The following PCDHGA6 variants were observed in gnomAD, a reference collection of about 807,000 sequenced individuals.
PCDHGA6 encodes the protein protocadherin gamma-A6.
Under a neutral mutation model 60.6 loss-of-function variants are expected in PCDHGA6, and 41 were observed. That is an observed-to-expected ratio of 0.68 (90% CI 0.53 to 0.88). The LOEUF (loss-of-function observed/expected upper bound fraction) is 0.88. Ranked by LOEUF, PCDHGA6 falls within the 40% of genes least tolerant of loss-of-function variation. PCDHGA6 has a pLI of 0.00. For synonymous variants in PCDHGA6, 594 were observed against 524.4 expected, an observed-to-expected ratio of 1.13 and a Z score of -1.81; for missense variants, 1,312 against 1,203.0, an observed-to-expected ratio of 1.09 and a Z score of -1.34.
chr5:141,501,441 A>G (rs547792017), intron 2 of PCDHGA6, among the ~76,000 whole-genome samples: 1 of 151,898 alleles, frequency 6.6e-6, no homozygotes, highest in African/African-American at 2.4e-5. Context: ...CATTTCTTCC[A>G]TTTTTACTTT....
In PCDHGA6 at chr5:141,408,857, G is replaced by T. The variant is rs372861749; in HGVS notation, c.2424+32350G>T. 1.9e-5 allele frequency: 30 copies of T among 1,613,424 alleles called. No homozygotes were observed. Among genetic ancestry groups the T allele is most frequent in the Non-Finnish European group, 2.5e-5 (29 of 1,179,810 alleles). ...GATATTGACTGCCTTGGACGGAGGG[G>T]ACCCACCAAGAAGTGCCACCGCTCA... On this transcript the variant is annotated intron_variant, in intron 1 of 3. Coordinates refer to ENST00000517434, the MANE Select transcript of PCDHGA6 (RefSeq NM_018919.3).
At position 141,485,149 on chromosome 5, in the gene PCDHGA6, A is replaced by G; in HGVS notation, c.2425-9658A>G. 6.3e-7 allele frequency: 1 copy of G among 1,578,106 alleles called. No individual in the cohort carries two copies. Among genetic ancestry groups the G allele is most frequent in the South Asian group, 1.1e-5 (1 of 89,070 alleles). ...CGGCTTCATCCGCGTCTCAGGAGCA[A>G]GTAGAGAATTAGCGGGCGGCAGCAA... On this transcript the variant is annotated intron_variant, in intron 1 of 3. Transcript: ENST00000517434. This position sits in a 1 kb window ranked among gnomAD's most constrained non-coding sequence, Gnocchi z 5.7.
chr5:141,419,420 G>C (rs774685112), intron 1 of PCDHGA6: 10 of 1,613,372 alleles, frequency 6.2e-6, no homozygotes, highest in Non-Finnish European at 7.6e-6. Flanking sequence ...GCGCGCCTTC[G>C]ACCACGAGCA....
At position 141,498,660 on chromosome 5, in the gene PCDHGA6, G is replaced by A. The variant is rs969314533; in HGVS notation, c.2483+3795G>A. Among the ~76,000 whole-genome samples, 11 of 152,192 alleles carry A rather than the reference G, an allele frequency of 7.2e-5. No homozygotes were observed. In the East Asian group the frequency reaches 9.6e-4, roughly 13 times the overall value. ...GAAGGAAGAAGACCTGGCCAGGTGT[G>A]GTGGCTCACGCCTGTAATCCCAGCA... is the stretch of plus-strand genomic sequence containing the variant. On this transcript the variant is annotated intron_variant, in intron 2 of 3. Coordinates refer to ENST00000517434, the MANE Select transcript of PCDHGA6 (RefSeq NM_018919.3).
intron 1 of PCDHGA6, chr5:141,404,708 T>C: frequency 6.2e-7 from 1 of 1,614,064 alleles, no homozygotes; most frequent in Non-Finnish European, 8.5e-7. Context: ...AGAGCCTGGC[T>C]ACCTGGTGAC....
At chr5:141,408,885 T>C (rs1263835706) in intron 1 of PCDHGA6, 3 of 1,612,902 alleles carry the variant, frequency 1.9e-6, no homozygotes, top group East Asian at 2.2e-5. Flanking sequence ...ACCGCTCACA[T>C]AGAAATTTCT....
rs976135607 is a variant in PCDHGA6 at position 141,489,115 on chromosome 5, C to A, written c.2425-5692C>A. ...CTAAGAACTGCTGCAAGCAGGCAAA[C>A]CTCCGAGCAGTTTTTAAGAGGCTGG... On this transcript the variant is annotated intron_variant, in intron 1 of 3. Coordinates refer to ENST00000517434, the MANE Select transcript of PCDHGA6 (RefSeq NM_018919.3). This position sits in a 1 kb window ranked among gnomAD's most constrained non-coding sequence, Gnocchi z 4.5. 7.3e-5 allele frequency: 37 copies of A among 506,794 alleles called. No homozygotes were observed. Among genetic ancestry groups the A allele is most frequent in the Non-Finnish European group, 1.2e-4 (35 of 298,604 alleles). 31.4% of individuals were successfully genotyped at this position (506,794 alleles called of 1,614,324 possible).
At chr5:141,387,663 T>G (rs999949836) in intron 1 of PCDHGA6, 6 of 673,368 alleles carry the variant, frequency 8.9e-6, no homozygotes, top group Admixed American at 6.4e-5. Flanking sequence ...AGCTTGGCGC[T>G]CCAGATCTCC....
intron 1 of PCDHGA6, chr5:141,383,740 T>C: frequency 6.2e-7 from 1 of 1,614,008 alleles, no homozygotes. Context: ...GACATATTCT[T>C]TTCGGAAAAT....
chr5:141,414,578 A>G, intron 1 of PCDHGA6: 1 of 1,613,960 alleles, frequency 6.2e-7, no homozygotes, highest in Non-Finnish European at 8.5e-7. Context: ...ATCCCAGAGA[A>G]CAACGCCAGG....
intron 1 of PCDHGA6, chr5:141,404,365 C>A: frequency 6.2e-7 from 1 of 1,613,936 alleles, no homozygotes; most frequent in South Asian, 1.1e-5. Context: ...GTACTTCCAT[C>A]TTCTCCGTGA....
rs866190808 is a variant in PCDHGA6 at position 141,376,751 on chromosome 5, A to G, written c.2424+244A>G. On this transcript the variant is annotated intron_variant, in intron 1 of 3. Transcript: ENST00000517434. ...CCGGACTGCGGACTGCAGTGGCGCA[A>G]TCTCGGCTCACTGCAAGCTCCGCTT... The G allele has an allele frequency of 1.3e-4, 58 of 460,324 alleles. 1 individual carries two copies. Among genetic ancestry groups the G allele is most frequent in the African/African-American group, 1.1e-3 (50 of 46,164 alleles). 28.5% of individuals were successfully genotyped at this position (460,324 alleles called of 1,614,324 possible).
intron 1 of PCDHGA6, chr5:141,395,240 G>A: frequency 6.3e-7 from 1 of 1,589,850 alleles, no homozygotes; most frequent in Non-Finnish European, 8.6e-7. Context: ...ATGGTCAGGT[G>A]AGTTTAGTTC....
At position 141,485,287 on chromosome 5, in the gene PCDHGA6, G is replaced by A. The variant is rs1396496143; in HGVS notation, c.2425-9520G>A. 5.0e-6 allele frequency: 8 copies of A among 1,614,064 alleles called. No individual in the cohort carries two copies. The highest frequency in any genetic ancestry group is 6.8e-6 in the Non-Finnish European group (8 of 1,180,002). On this transcript the variant is annotated intron_variant, in intron 1 of 3. Transcript: ENST00000517434. The surrounding 1 kb of genome is among the most constrained non-coding windows in gnomAD (Gnocchi z 5.7). ...AGATCCGCTACCCGGTCCCAGAGGA[G>A]TCACAGGAAGGGACTTTTGTAGGGA...
intron 1 of PCDHGA6, chr5:141,421,199 A>C (rs991814876): frequency 2.0e-6 from 3 of 1,514,716 alleles, no homozygotes; most frequent in Non-Finnish European, 2.6e-6. Context: ...CAGCTCGAGA[A>C]ACCGCGGAAT....
At chr5:141,494,770 C>A (rs767006872) in intron 1 of PCDHGA6, 37 bp from the exon 2 acceptor site, 14 of 1,613,904 alleles carry the variant, frequency 8.7e-6, no homozygotes, top group Non-Finnish European at 1.1e-5. Flanking sequence ...TAACTTCTCA[C>A]GGGTACTCAG....
intron 1 of PCDHGA6, among the ~76,000 whole-genome samples, chr5:141,458,992 C>G (rs1268862644): frequency 6.6e-6 from 1 of 152,190 alleles, no homozygotes; most frequent in African/African-American, 2.4e-5. Flanking sequence ...CTCACCCTCC[C>G]AAAGTGCTGG....
chr5:141,429,672 A>G (rs1036863132), intron 1 of PCDHGA6, among the ~76,000 whole-genome samples: 1 of 152,210 alleles, frequency 6.6e-6, no homozygotes, highest in African/African-American at 2.4e-5. Context: ...ATATTATTTT[A>G]TTTTATGCCT....
At chr5:141,420,341 G>A in intron 1 of PCDHGA6, 5 of 1,391,412 alleles carry the variant, frequency 3.6e-6, no homozygotes, top group Middle Eastern at 1.9e-4. Context: ...CAATATAGTG[G>A]TATTATTTTA....
Sources: gnomAD v4.1 joint callset for allele counts (sites outside exome capture counted in the v4.1 genomes callset) on GRCh38, gnomAD v4.1.1 for gene constraint, Gnocchi (gnomAD v3.1) non-coding constraint, MANE v1.5 for transcripts, NCBI Gene and HGNC (gene_info 2026-07-23, HGNC 2026-07-21) for gene names.